The following CREBRF variants were observed in gnomAD, a reference collection of about 807,000 sequenced individuals.
The protein encoded by CREBRF is CREB3 regulatory factor.
Under a neutral mutation model 66.1 loss-of-function variants are expected in CREBRF, and 5 were observed. The ratio of observed to expected loss-of-function variants is 0.08; its 90% CI spans 0.04 to 0.16. CREBRF has a LOEUF of 0.16. Ranked by LOEUF, CREBRF falls within the 10% of genes least tolerant of loss-of-function variation. The pLI is 1.00. For synonymous variants in CREBRF, 229 were observed against 264.4 expected (o/e 0.87, Z 1.30); for missense variants, 531 against 744.9 (o/e 0.71, Z 3.34).
chr5:173,138,701 C>T lies in CREBRF; in HGVS notation c.*4956C>T, dbSNP rs998863138. ...GGACTGATTACTATGTCTTGCCCTT[C>T]GCCCTTTGTTTTTTTCAGAACCAAA... On this transcript the variant is annotated 3_prime_UTR_variant, in exon 9 of 9. Transcript: ENST00000296953. The T allele has an allele frequency of 1.1e-4, 17 of 152,146 alleles. No homozygotes were observed. Among genetic ancestry groups the T allele is most frequent in the African/African-American group, 4.1e-4 (17 of 41,428 alleles). 9.4% of individuals were successfully genotyped at this position (152,146 alleles called of 1,614,324 possible). A position where few individuals can be genotyped will look rare whatever the true frequency, so the allele number is the denominator to read the frequency against.
At chr5:173,064,849 C>T (rs950779100) in intron 1 of CREBRF, among the ~76,000 whole-genome samples, 1 of 152,094 alleles carries the variant, frequency 6.6e-6, no homozygotes, top group Non-Finnish European at 1.5e-5. Context: ...CAGGTGTGAG[C>T]CACTGCGCCT....
intron 4 of CREBRF, among the ~76,000 whole-genome samples, chr5:173,094,078 C>T (rs112359836): frequency 0.011 from 1,723 of 152,254 alleles, 38 homozygotes; most frequent in African/African-American, 0.039. Flanking sequence ...CCAGGTTCAT[C>T]CATGTTATTA....
chr5:173,076,019 G>A (rs951508024), intron 1 of CREBRF, among the ~76,000 whole-genome samples: 4 of 130,532 alleles, frequency 3.1e-5, no homozygotes, highest in Non-Finnish European at 6.2e-5. Flanking sequence ...CCATGAATTC[G>A]AGACCAACCT....
intron 4 of CREBRF, among the ~76,000 whole-genome samples, chr5:173,101,459 A>G (rs1365123688): frequency 1.3e-5 from 2 of 151,854 alleles, no homozygotes; most frequent in Non-Finnish European, 2.9e-5. Context: ...TGAGAGTTTC[A>G]TTGTATATGA....
chr5:173,099,091 C>G (rs886217106), intron 4 of CREBRF, among the ~76,000 whole-genome samples: 4 of 152,112 alleles, frequency 2.6e-5, no homozygotes, highest in African/African-American at 9.7e-5. Flanking sequence ...ATAGCCAGCT[C>G]TGTCCTTTTT....
rs1485423544 is a variant in CREBRF at position 173,108,768 on chromosome 5, A to G, written c.1367A>G (p.Asn456Ser). ...AGGATGCTGAGACCATCTGAGTGGA[A>G]CCGAGATACTTTGCCAAGTAATATG... ...QERMLRPSEW[N>S]RDTLPSNMYQ... is the part of the protein sequence containing the mutation. Residue 456 changes from asparagine (N) to serine (S), a missense_variant, in exon 5 of 9, where the codon AAC becomes AGC. Physicochemically the swap from Asn to Ser is conservative, Grantham distance 46. Around this residue, in one of 5 missense-constraint regions of CREBRF, gnomAD observed 309 missense variants for 341.4 expected, o/e 0.90. Transcript: ENST00000296953. 6 of 1,613,736 alleles carry G rather than the reference A, an allele frequency of 3.7e-6. No homozygotes were observed. Among genetic ancestry groups the G allele is most frequent in the Admixed American group, 3.3e-5 (2 of 59,912 alleles).
chr5:173,068,932 C>T (rs1018565000), intron 1 of CREBRF, among the ~76,000 whole-genome samples: 18 of 151,408 alleles, frequency 1.2e-4, no homozygotes, highest in African/African-American at 3.6e-4. Flanking sequence ...ATTAGCTGAG[C>T]GTGGTGGCGT....
chr5:173,077,077 G>A (rs1047015117), intron 1 of CREBRF, among the ~76,000 whole-genome samples: 1 of 151,348 alleles, frequency 6.6e-6, no homozygotes, highest in African/African-American at 2.4e-5. Context: ...CTAAGTAACT[G>A]GGATTACAGG....
At chr5:173,096,312 T>A (rs550614822) in intron 4 of CREBRF, among the ~76,000 whole-genome samples, 2 of 152,184 alleles carry the variant, frequency 1.3e-5, no homozygotes, top group East Asian at 3.8e-4. Flanking sequence ...GATCATGTCA[T>A]CTACTAACAG....
At chr5:173,089,030 T>G (rs1415067965) in intron 3 of CREBRF, among the ~76,000 whole-genome samples, 1 of 151,372 alleles carries the variant, frequency 6.6e-6, no homozygotes, top group Non-Finnish European at 1.5e-5. Context: ...TACAAAAAAA[T>G]TAGCTGGGCA....
At chr5:173,121,767 A>G (rs773264175) in intron 7 of CREBRF, among the ~76,000 whole-genome samples, 24 of 152,364 alleles carry the variant, frequency 1.6e-4, no homozygotes, top group Non-Finnish European at 2.9e-4. Flanking sequence ...AGGCACTATC[A>G]GGTCTTAAAG....
chr5:173,122,925 A>G (rs1277625402), intron 7 of CREBRF, among the ~76,000 whole-genome samples, 155 bp from the exon 8 acceptor site: 1 of 151,620 alleles, frequency 6.6e-6, no homozygotes, highest in Admixed American at 6.6e-5. Flanking sequence ...AAAGGACATG[A>G]ACTCATCATT....
At chr5:173,093,273 A>G (rs982920180) in intron 4 of CREBRF, among the ~76,000 whole-genome samples, 1 of 152,174 alleles carries the variant, frequency 6.6e-6, no homozygotes, top group Non-Finnish European at 1.5e-5. Context: ...AGCAAGGACT[A>G]TATTATCTAC....
chr5:173,121,488 A>G (rs1422707829), intron 7 of CREBRF, among the ~76,000 whole-genome samples: 2 of 151,760 alleles, frequency 1.3e-5, no homozygotes, highest in Non-Finnish European at 2.9e-5. Context: ...ACGCCCAACT[A>G]ATTTTTTGTA....
At chr5:173,130,660 A>G (rs1429719058) in intron 8 of CREBRF, among the ~76,000 whole-genome samples, 5 of 151,936 alleles carry the variant, frequency 3.3e-5, no homozygotes, top group Non-Finnish European at 5.9e-5. Context: ...AGTAGCTAGG[A>G]CTACAGATGT....
chr5:173,075,661 A>G (rs1757739153), intron 1 of CREBRF, among the ~76,000 whole-genome samples: 1 of 152,080 alleles, frequency 6.6e-6, no homozygotes, highest in Admixed American at 6.6e-5. Context: ...CACGTGGGGT[A>G]TACACATTGT....
intron 1 of CREBRF, among the ~76,000 whole-genome samples, chr5:173,074,945 C>T (rs578234083): frequency 1.3e-5 from 2 of 152,130 alleles, no homozygotes; most frequent in South Asian, 2.1e-4. Flanking sequence ...AAAAACTCTC[C>T]GAATGTGAGG....
chr5:173,124,821 TATC>T (rs1405633789), intron 8 of CREBRF, among the ~76,000 whole-genome samples: 1 of 152,022 alleles, frequency 6.6e-6, no homozygotes, highest in Non-Finnish European at 1.5e-5. Flanking sequence ...GGACTCTTAT[TATC>T]TATAGATTGG....
chr5:173,138,908 A>T lies in CREBRF; in HGVS notation c.*5163A>T, dbSNP rs1358289441. On this transcript the variant is annotated 3_prime_UTR_variant, in exon 9 of 9. Transcript: ENST00000296953. ...CACAAGAGAAGAGTGGAAGGGCAAG[A>T]ATTCAAAGCATTTGTTCATACAATG... 1 of 152,208 alleles carries T rather than the reference A, an allele frequency of 6.6e-6. No individual in the cohort carries two copies. The highest frequency in any genetic ancestry group is 1.9e-4 in the East Asian group (1 of 5,208). The allele number at this position is 152,208 out of a possible 1,614,324, so 9.4% of individuals were successfully genotyped here. A position where few individuals can be genotyped will look rare whatever the true frequency, so the allele number is the denominator to read the frequency against.
Sources: gnomAD v4.1 joint callset for allele counts (sites outside exome capture counted in the v4.1 genomes callset) on GRCh38, gnomAD v4.1.1 for gene constraint, gnomAD v4.1.1 regional missense constraint, MANE v1.5 for transcripts, NCBI Gene and HGNC (gene_info 2026-07-23, HGNC 2026-07-21) for gene names.